ADGRV1: variants seen among roughly 807,000 people sequenced by gnomAD.
ADGRV1 encodes G-protein coupled receptor 98.
In ADGRV1, 359 loss-of-function variants were observed where a neutral mutation model predicts 596.2. That is an observed-to-expected ratio of 0.60 (90% CI 0.55 to 0.66). The LOEUF is 0.66. Ranked by LOEUF, ADGRV1 falls within the 30% of genes least tolerant of loss-of-function variation. ADGRV1 has a pLI of 0.00. For synonymous variants in ADGRV1, 2,681 were observed against 2,679.2 expected (o/e 1.00, Z -0.02); for missense variants, 7,274 against 7,575.6 (o/e 0.96, Z 1.48).
chr5:91,082,555 A>T (rs998439763), intron 86 of ADGRV1, among the ~76,000 whole-genome samples: 2 of 152,150 alleles, frequency 1.3e-5, no homozygotes, highest in African/African-American at 4.8e-5. Flanking sequence ...TGGATGACCG[A>T]AGTCTTCCAT....
chr5:90,723,575 C>T (rs955719197), intron 45 of ADGRV1, among the ~76,000 whole-genome samples: 9 of 152,096 alleles, frequency 5.9e-5, no homozygotes, highest in Non-Finnish European at 7.3e-5. Flanking sequence ...AAGGATTTGT[C>T]CATATGTCAG....
At chr5:90,647,469 C>T (rs984501317) in intron 16 of ADGRV1, 29 bp from the exon 17 acceptor site, 19 of 1,583,572 alleles carry the variant, frequency 1.2e-5, no homozygotes, top group Admixed American at 1.8e-5. Context: ...CAGAAAAGCT[C>T]ATGTGTTCTT....
rs150365501 is a variant in ADGRV1 at position 91,016,350 on chromosome 5, C to G, written c.18152+30828C>G. Among the ~76,000 whole-genome samples, 183 of 152,032 alleles carry G rather than the reference C, an allele frequency of 1.2e-3. 1 individual carries two copies. The highest frequency in any genetic ancestry group is 4.3e-3 in the African/African-American group (177 of 41,510). ...CCTTGTTCTTACACACTCTAGCCCC[C>G]ATCCTAGTTCTCAGTCCCTGCAAGC... On this transcript the variant is annotated intron_variant, in intron 85 of 89. Coordinates refer to ENST00000405460, the MANE Select transcript of ADGRV1 (RefSeq NM_032119.4).
At chr5:90,690,161 T>C in intron 30 of ADGRV1, 85 bp downstream of exon 30, 1 of 778,476 alleles carries the variant, frequency 1.3e-6, no homozygotes, top group South Asian at 1.8e-5. Flanking sequence ...AGACTCAGAA[T>C]TGATCTGATC....
intron 9 of ADGRV1, among the ~76,000 whole-genome samples, chr5:90,631,953 T>C (rs1765557542): frequency 1.3e-5 from 2 of 152,214 alleles, no homozygotes; most frequent in Non-Finnish European, 2.9e-5. Context: ...GAAGTGCATA[T>C]TGATTTTACC....
At chr5:90,576,575 C>T (rs943880589) in intron 1 of ADGRV1, among the ~76,000 whole-genome samples, 3 of 152,096 alleles carry the variant, frequency 2.0e-5, no homozygotes, top group Admixed American at 1.3e-4. Flanking sequence ...AACAAAAATA[C>T]GTGTGCATGT....
chr5:90,730,697 A>T (rs1454036753), intron 50 of ADGRV1, among the ~76,000 whole-genome samples: 3 of 152,192 alleles, frequency 2.0e-5, no homozygotes, highest in Non-Finnish European at 4.4e-5. Flanking sequence ...TGGGTGGGCC[A>T]GTGATGATAA....
At chr5:90,713,471 A>T (rs1005438245) in intron 42 of ADGRV1, among the ~76,000 whole-genome samples, 1 of 151,912 alleles carries the variant, frequency 6.6e-6, no homozygotes, top group Admixed American at 6.6e-5. Flanking sequence ...GTGTTGGTTG[A>T]GAATAGTCTA....
intron 87 of ADGRV1, among the ~76,000 whole-genome samples, chr5:91,128,762 C>T (rs536601449): frequency 1.3e-5 from 2 of 152,322 alleles, no homozygotes; most frequent in Admixed American, 1.3e-4. Flanking sequence ...CCAGAATGGT[C>T]TATCCTGTGT....
intron 86 of ADGRV1, among the ~76,000 whole-genome samples, chr5:91,084,470 A>G (rs1286010064): frequency 6.6e-6 from 1 of 152,262 alleles, no homozygotes; most frequent in Non-Finnish European, 1.5e-5. Flanking sequence ...CAACAGGCAC[A>G]TGAAAAAATG....
chr5:91,031,740 G>A (rs1183435981), intron 85 of ADGRV1, among the ~76,000 whole-genome samples: 1 of 152,086 alleles, frequency 6.6e-6, no homozygotes, highest in African/African-American at 2.4e-5. Flanking sequence ...AAGATTGTTA[G>A]TATCTTTTCA....
At chr5:91,033,447 G>A (rs1471380995) in intron 85 of ADGRV1, among the ~76,000 whole-genome samples, 1 of 152,178 alleles carries the variant, frequency 6.6e-6, no homozygotes, top group African/African-American at 2.4e-5. Context: ...GATGTCACAT[G>A]TACATGGGAC....
chr5:91,005,496 C>T (rs1208005155), intron 85 of ADGRV1, among the ~76,000 whole-genome samples: 1 of 152,014 alleles, frequency 6.6e-6, no homozygotes, highest in Non-Finnish European at 1.5e-5. Context: ...GCCACCATGC[C>T]CGGCTAATTT....
chr5:91,150,545 C>CT lies in ADGRV1; in HGVS notation c.18624+327dup, dbSNP rs1795966829. 2.0e-5 allele frequency among the ~76,000 whole-genome samples: 3 copies of CT among 152,176 alleles called. No homozygotes were observed. The South Asian group carries it at 6.2e-4, about 32-fold the overall frequency. ...AATTTGACATTTCTTTCTTCAGAATCTTTCTAATTTGACATGTCAGTGACT... is the reference window on the plus strand; with the variant it reads ...AATTTGACATTTCTTTCTTCAGAATCTTTTCTAATTTGACATGTCAGTGACT... On this transcript the variant is annotated intron_variant, in intron 88 of 89. Transcript: ENST00000405460.
intron 1 of ADGRV1, among the ~76,000 whole-genome samples, chr5:90,587,229 A>T (rs1758869732): frequency 6.6e-6 from 1 of 152,098 alleles, no homozygotes; most frequent in Admixed American, 6.6e-5. Flanking sequence ...ACGTGACCCC[A>T]TTACTCTTAC....
At position 90,819,882 on chromosome 5, in the gene ADGRV1, T is replaced by C. The variant is rs1763301879; in HGVS notation, c.16197-3543T>C. Reference sequence around the variant, plus strand: ...AGGTGTGGTGTGGTGCTGAAAAAAATGTATATTCTGTTGATTTGGGGTGGA... The same window carrying C: ...AGGTGTGGTGTGGTGCTGAAAAAAACGTATATTCTGTTGATTTGGGGTGGA... On this transcript the variant is annotated intron_variant, in intron 75 of 89. Transcript: ENST00000405460. Among the ~76,000 whole-genome samples the C allele has an allele frequency of 2.0e-5, 3 of 152,160 alleles. No individual in the cohort carries two copies. In the South Asian group the frequency reaches 6.2e-4, roughly 32 times the overall value.
At chr5:90,857,952 G>A (rs945569229) in intron 82 of ADGRV1, among the ~76,000 whole-genome samples, 1 of 152,072 alleles carries the variant, frequency 6.6e-6, no homozygotes, top group African/African-American at 2.4e-5. Flanking sequence ...AAAAAACAGA[G>A]TAGATCACAA....
intron 83 of ADGRV1, among the ~76,000 whole-genome samples, chr5:90,927,207 T>C (rs1389617267): frequency 1.3e-5 from 2 of 150,882 alleles, no homozygotes; most frequent in African/African-American, 5.0e-5. Flanking sequence ...TTCTGTCTCG[T>C]TGATCTGTTT....
At chr5:90,936,481 T>G (rs1197914971) in intron 83 of ADGRV1, among the ~76,000 whole-genome samples, 1 of 152,100 alleles carries the variant, frequency 6.6e-6, no homozygotes, top group Non-Finnish European at 1.5e-5. Flanking sequence ...TGTTCAAGTT[T>G]TATCTATTTT....
Sources: allele counts gnomAD v4.1 joint callset (sites outside exome capture counted in the v4.1 genomes callset), GRCh38; gene constraint gnomAD v4.1.1; transcripts MANE v1.5; gene names NCBI Gene and HGNC (gene_info 2026-07-23, HGNC 2026-07-21).